The following RMDN1 variants were observed in gnomAD, a reference collection of about 807,000 sequenced individuals.
RMDN1 encodes the protein regulator of microtubule dynamics 1.
Under a neutral mutation model 48.9 loss-of-function variants are expected in RMDN1, and 48 were observed. That is an observed-to-expected ratio of 0.98 (90% CI 0.78 to 1.25). The LOEUF (loss-of-function observed/expected upper bound fraction) is 1.25, where lower values mean the gene tolerates loss of function less well. Among genes scored for constraint, RMDN1 ranks in the 50% most tolerant of loss-of-function variants. RMDN1 has a pLI of 0.00. For missense variants in RMDN1, 418 were observed against 373.4 expected (o/e 1.12, Z -0.98); for synonymous variants, 148 against 132.6 (o/e 1.12, Z -0.80).
At chr8:86,507,165 G>C in intron 1 of RMDN1, 53 bp from the exon 2 acceptor site, 1 of 1,019,572 alleles carries the variant, frequency 9.8e-7, no homozygotes, top group Non-Finnish European at 1.5e-6. Context: ...TGAAGGTACT[G>C]CTACCCCAAG....
At chr8:86,489,648 G>A (rs975068930) in intron 2 of RMDN1, among the ~76,000 whole-genome samples, 1 of 152,114 alleles carries the variant, frequency 6.6e-6, no homozygotes, top group African/African-American at 2.4e-5. Context: ...TAGCCAACAT[G>A]GTGAAACCCC....
rs146053710 is a variant in RMDN1, at chr8:86,478,734, C to T, written c.729+189G>A. On this transcript the variant is annotated intron_variant, in intron 7 of 9. Transcript: ENST00000406452. ...CCAGAATTACCAGCCACTCACCTAA[C>T]GGGGAAAAAGAAAACCACTCACCAG... is the stretch of plus-strand genomic sequence containing the variant. 2,608 of 559,764 alleles carry T rather than the reference C, an allele frequency of 4.7e-3. 18 individuals carry two copies. The highest frequency in any genetic ancestry group is 0.02 in the South Asian group (852 of 42,398). The allele number at this position is 559,764 out of a possible 1,614,324, so 34.7% of individuals were successfully genotyped here. A position where few individuals can be genotyped will look rare whatever the true frequency, so the allele number is the denominator to read the frequency against.
At chr8:86,474,503 A>T in intron 9 of RMDN1, 145 bp from the exon 10 acceptor site, 1 of 717,652 alleles carries the variant, frequency 1.4e-6, no homozygotes. Flanking sequence ...CAGTGACCAG[A>T]TGAGACTCTC....
chr8:86,513,190 C>T (rs1453265636), upstream of RMDN1, among the ~76,000 whole-genome samples: 1 of 151,980 alleles, frequency 6.6e-6, no homozygotes, highest in Non-Finnish European at 1.5e-5. Context: ...GCCTGACCAA[C>T]ATGGAGAAGC....
chr8:86,503,836 CT>C, intron 2 of RMDN1: 1 of 574,520 alleles, frequency 1.7e-6, no homozygotes, highest in Non-Finnish European at 3.3e-6. Context: ...TTATCAACCA[CT>C]TTTTGACAGG....
chr8:86,506,552 A>G (rs1420969855), intron 2 of RMDN1, among the ~76,000 whole-genome samples: 1 of 152,122 alleles, frequency 6.6e-6, no homozygotes, highest in South Asian at 2.1e-4. Context: ...CTCTGGATGG[A>G]AATAGGTTAT....
intron 7 of RMDN1, 127 bp downstream of exon 7, chr8:86,478,796 G>A: frequency 1.3e-6 from 1 of 775,158 alleles, no homozygotes; most frequent in East Asian, 2.5e-5. Flanking sequence ...TGATAACACA[G>A]TTGAATTGGA....
At chr8:86,513,362 C>T (rs780558748), upstream of RMDN1, among the ~76,000 whole-genome samples, 7 of 151,998 alleles carry the variant, frequency 4.6e-5, no homozygotes, top group Non-Finnish European at 8.8e-5. Context: ...GCAACAAGAG[C>T]GAAACTGCGT....
chr8:86,486,584 C>A lies in RMDN1; in HGVS notation c.395G>T (p.Ser132Ile), dbSNP rs759909872. ...CTTTTTCTCCTCTTCTGAGGTTCTG[C>A]TAAGCTGAGCTACATCACGTGATGC... ...ARASRDVAQL[S>I]RTSEEEKKLL... The change falls in exon 4 of 10, where the codon AGC (serine) becomes ATC (isoleucine). Residue 132 changes from serine (S) to isoleucine (I), a missense_variant. Ser to Ile is a moderately radical substitution (Grantham distance 142). Transcript: ENST00000406452. 3 of 1,612,884 alleles carry A rather than the reference C, an allele frequency of 1.9e-6. No individual in the cohort carries two copies. The South Asian group carries it at 3.3e-5, about 18-fold the overall frequency.
At chr8:86,493,155 A>G (rs1215274512) in intron 2 of RMDN1, among the ~76,000 whole-genome samples, 1 of 152,218 alleles carries the variant, frequency 6.6e-6, no homozygotes. Flanking sequence ...TTCAAGGGCT[A>G]TGGTCTGTAG....
rs1338159815 is a variant in RMDN1, at chr8:86,488,584, T to G, written c.303A>C (p.Lys101Asn). 2 of 1,611,022 alleles carry G rather than the reference T, an allele frequency of 1.2e-6. No individual in the cohort carries two copies. The highest frequency in any genetic ancestry group is 2.7e-5 in the African/African-American group (2 of 74,812). ...TGTATTGGGTTAGCAACTGATAAAG[T>G]TTTTCTGTTTCTCCGCTTTCATACA... ...DYLYESGETE[K>N]LYQLLTQYKE... Residue 101 changes from lysine (K) to asparagine (N), a missense_variant, in exon 3 of 10, where the codon AAA becomes AAC. Transcript: ENST00000406452.
Position 86,473,761 on chromosome 8 carries a change from G to T in RMDN1, c.*547C>A. 1 of 933,014 alleles carries T rather than the reference G, an allele frequency of 1.1e-6. No individual in the cohort carries two copies. The highest frequency in any genetic ancestry group is 1.3e-6 in the Non-Finnish European group (1 of 782,300). 57.8% of individuals were successfully genotyped at this position (933,014 alleles called of 1,614,324 possible). A position where few individuals can be genotyped will look rare whatever the true frequency, so the allele number is the denominator to read the frequency against. On this transcript the variant is annotated 3_prime_UTR_variant, in exon 10 of 10. Transcript: ENST00000406452. ...AGCCTGGGAAACAAAGTGAGACTCT[G>T]TCTCAAAAAAATAAAAAAGGAAACT...
At chr8:86,468,408 C>T (rs932472174), downstream of RMDN1, 1 of 449,248 alleles carries the variant, frequency 2.2e-6, no homozygotes, top group Non-Finnish European at 4.4e-6. Flanking sequence ...TATGAACACT[C>T]TGGTAATTTT....
Position 86,473,638 on chromosome 8 carries a change from A to G in RMDN1, c.*670T>C, listed in dbSNP as rs1586572825. 2.8e-6 allele frequency: 1 copy of G among 354,684 alleles called. No homozygotes were observed. Among genetic ancestry groups the G allele is most frequent in the Non-Finnish European group, 3.9e-6 (1 of 253,636 alleles). 22.0% of individuals were successfully genotyped at this position (354,684 alleles called of 1,614,324 possible). A position where few individuals can be genotyped will look rare whatever the true frequency, so the allele number is the denominator to read the frequency against. ...AAAGTTAGCCGAGTGTGGTGGTACA[A>G]CCCTGTAATCCCAGCCACTCAGGAG... On this transcript the variant is annotated 3_prime_UTR_variant, in exon 10 of 10. Coordinates refer to ENST00000406452, the MANE Select transcript of RMDN1 (RefSeq NM_016033.3).
intron 1 of RMDN1, 126 bp downstream of exon 1, chr8:86,508,365 GC>G: frequency 9.6e-7 from 1 of 1,036,894 alleles, no homozygotes; most frequent in South Asian, 1.8e-5. Context: ...AGGCACAGTG[GC>G]CCCGAGTTCT....
intron 6 of RMDN1, among the ~76,000 whole-genome samples, chr8:86,479,618 C>T (rs1813998892): frequency 6.6e-6 from 1 of 152,146 alleles, no homozygotes; most frequent in East Asian, 1.9e-4. Flanking sequence ...CCTCAATTAT[C>T]ATTAATCCTC....
chr8:86,477,530 A>T (rs1813586258), intron 7 of RMDN1: 4 of 437,746 alleles, frequency 9.1e-6, no homozygotes, highest in Middle Eastern at 6.0e-4. Context: ...TATATGGACT[A>T]CTTCTGGTAA....
At position 86,482,938 on chromosome 8, in the gene RMDN1, G is replaced by A. The variant is rs1315416966; in HGVS notation, c.585+1934C>T. 1.7e-5 allele frequency: 14 copies of A among 825,486 alleles called. No individual in the cohort carries two copies. In the African/African-American group the frequency reaches 2.2e-4, roughly 13 times the overall value. The allele number at this position is 825,486 out of a possible 1,614,324, so 51.1% of individuals were successfully genotyped here. On this transcript the variant is annotated intron_variant, in intron 5 of 9. Transcript: ENST00000406452. Reference sequence around the variant, plus strand: ...GGCTGTTTCCTCCAGAGGCAGGTGGGCTCGGACGAGGTCCCCGGCGGACTG... The same window carrying A: ...GGCTGTTTCCTCCAGAGGCAGGTGGACTCGGACGAGGTCCCCGGCGGACTG...
chr8:86,501,086 C>A (rs1258718272), intron 2 of RMDN1, among the ~76,000 whole-genome samples: 3 of 152,106 alleles, frequency 2.0e-5, no homozygotes, highest in African/African-American at 7.2e-5. Flanking sequence ...CAAAAAGCTA[C>A]CTACTGGGTA....
Sources: allele counts gnomAD v4.1 joint callset (sites outside exome capture counted in the v4.1 genomes callset), GRCh38; gene constraint gnomAD v4.1.1; transcripts MANE v1.5; gene names NCBI Gene and HGNC (gene_info 2026-07-23, HGNC 2026-07-21).